TSPYL2: variants seen among roughly 807,000 people sequenced by gnomAD.
TSPYL2 encodes the protein testis-specific Y-encoded-like protein 2.
TSPYL2 carries 9 observed loss-of-function variants against 33.0 expected under a neutral mutation model. The ratio of observed to expected loss-of-function variants is 0.27; its 90% CI spans 0.16 to 0.48. The LOEUF (loss-of-function observed/expected upper bound fraction) is 0.48. Ranked by LOEUF, TSPYL2 falls within the 20% of genes least tolerant of loss-of-function variation. The pLI is 0.99. For missense variants in TSPYL2, 636 were observed against 586.2 expected (o/e 1.08, Z -0.88); for synonymous variants, 330 against 233.6 (o/e 1.41, Z -3.77).
intron 1 of TSPYL2, 77 bp downstream of exon 1, chrX:53,083,382 TAAAGC>T (rs1932675887): frequency 1.0e-6 from 1 of 987,297 alleles, no homozygotes; most frequent in Admixed American, 2.6e-5. Flanking sequence ...ACAGAAAAGG[TAAAGC>T]GGGTGGAGGA....
In TSPYL2 at chrX:53,082,778, T is replaced by C. The variant is rs782596856; in HGVS notation, c.280T>C (p.Cys94Arg). ...IRAYFTLGAE[C>R]PGWDSTIESG... ...CGCATACTTCACGCTCGGTGCTGAG[T>C]GTCCCGGCTGGGATTCTACCATCGA... Residue 94 changes from cysteine (C) to arginine (R), a missense_variant, in exon 1 of 7, where the codon TGT becomes CGT. Cys to Arg is a radical substitution (Grantham distance 180). Coordinates refer to ENST00000375442, the MANE Select transcript of TSPYL2 (RefSeq NM_022117.4). 5 of 1,194,947 alleles carry C rather than the reference T, an allele frequency of 4.2e-6. No homozygotes were observed. The Admixed American group carries it at 9.4e-5, about 22-fold the overall frequency.
At chrX:53,086,526 G>C (rs868983489) in intron 6 of TSPYL2, 1 of 439,575 alleles carries the variant, frequency 2.3e-6, no homozygotes, top group Non-Finnish European at 4.0e-6. Context: ...GTGATGGATA[G>C]ATGGTTGTAA....
chrX:53,085,913 CAAT>C lies in TSPYL2; in HGVS notation c.1522_1524del (p.Asn508del), dbSNP rs781970155. Reference sequence around the variant, plus strand: ...CTGATGACCACGAAACCACTGACAACAATGAGAGTGCAGATGACAACAACGAGA... The same window carrying C: ...CTGATGACCACGAAACCACTGACAACGAGAGTGCAGATGACAACAACGAGA... On this transcript the variant is annotated inframe_deletion, in exon 6 of 7. Coordinates refer to ENST00000375442, the MANE Select transcript of TSPYL2 (RefSeq NM_022117.4). The C allele has an allele frequency of 8.4e-5, 102 of 1,209,113 alleles. No individual in the cohort carries two copies. The highest frequency in any genetic ancestry group is 2.3e-4 in the Middle Eastern group (1 of 4,376).
chrX:53,087,850 G>C lies in TSPYL2; in HGVS notation c.1993G>C (p.Gly665Arg), dbSNP rs1556809181. Residue 665 changes from glycine (G) to arginine (R), a missense_variant, in exon 7 of 7, where the codon GGG becomes CGG. Physicochemically the swap from Gly to Arg is moderately radical, Grantham distance 125. Transcript: ENST00000375442. ...EEGSEDVWEEGEDSDDSDLED... is the reference protein window; with the variant it reads ...EEGSEDVWEEREDSDDSDLED... The stretch of plus-strand genomic sequence containing the variant: ...AGGAAGTGAAGATGTCTGGGAAGAA[G>C]GGGAAGATTCGGACGACTCTGACCT... The C allele has an allele frequency of 8.3e-7, 1 of 1,212,037 alleles. No individual in the cohort carries two copies. Among genetic ancestry groups the C allele is most frequent in the Admixed American group, 2.2e-5 (1 of 46,148 alleles).
intron 4 of TSPYL2, 60 bp from the exon 5 acceptor site, chrX:53,085,167 A>G (rs1256177223): frequency 3.4e-6 from 4 of 1,184,398 alleles, no homozygotes; most frequent in East Asian, 3.0e-5. Flanking sequence ...TGGGGAATTA[A>G]GAGGAGGATC....
chrX:53,086,134 A>G lies in TSPYL2; in HGVS notation c.1742A>G (p.Asn581Ser). ...DEDNDGNEGD[N>S]EGSDDDGNEG... ...GATAATGATGGCAACGAAGGTGACAATGAGGGCAGTGATGATGATGGCAAT... is the reference window on the plus strand; with the variant it reads ...GATAATGATGGCAACGAAGGTGACAGTGAGGGCAGTGATGATGATGGCAAT... Residue 581 changes from asparagine (N) to serine (S), a missense_variant, in exon 6 of 7, where the codon AAT becomes AGT. Physicochemically the swap from Asn to Ser is conservative, Grantham distance 46. This residue lies in a region of TSPYL2 where 401 missense variants were observed against 363.0 expected (regional missense o/e 1.10). Coordinates refer to ENST00000375442, the MANE Select transcript of TSPYL2 (RefSeq NM_022117.4). 2 of 1,194,906 alleles carry G rather than the reference A, an allele frequency of 1.7e-6. No homozygotes were observed. Among genetic ancestry groups the G allele is most frequent in the South Asian group, 1.8e-5 (1 of 54,756 alleles).
At position 53,085,216 on chromosome X, in the gene TSPYL2, T is replaced by C. The variant is rs1556808133; in HGVS notation, c.1144-11T>C. 8.4e-7 allele frequency: 1 copy of C among 1,193,244 alleles called. No homozygotes were observed. The highest frequency in any genetic ancestry group is 1.1e-6 in the Non-Finnish European group (1 of 884,728). On this transcript the variant is annotated splice_polypyrimidine_tract_variant and intron_variant, in intron 4 of 6. Coordinates refer to ENST00000375442, the MANE Select transcript of TSPYL2 (RefSeq NM_022117.4). ...AATGGCTGTCTTATTCCTTCTCCCC[T>C]TTTTCAACAGATTATCAAGAATGAT... is the stretch of plus-strand genomic sequence containing the variant.
chrX:53,082,592 C>T lies in TSPYL2; in HGVS notation c.94C>T (p.Pro32Ser). The change falls in exon 1 of 7, where the codon CCG (proline) becomes TCG (serine). Residue 32 changes from proline to serine, a missense_variant. Around this residue, in one of 3 missense-constraint regions of TSPYL2, gnomAD observed 231 missense variants for 201.6 expected, o/e 1.15. Transcript: ENST00000375442. ...CGACCCGCCCCCGCCGCCGCCGCCG[C>T]CGCCGCTCCTCCGACTGCCGCTGCC... ...QRDPPPPPPP[P>S]PLLRLPLPPP... is the part of the protein sequence containing the mutation. The T allele has an allele frequency of 8.7e-7, 1 of 1,154,335 alleles. No homozygotes were observed.
chrX:53,083,518 G>C (rs908439711), intron 1 of TSPYL2, among the ~76,000 whole-genome samples: 2 of 107,560 alleles, frequency 1.9e-5, no homozygotes, highest in South Asian at 4.3e-4. Context: ...GGTGGTGGAG[G>C]GGGGGCGGAC....
Position 53,087,851 on chromosome X carries a change from G to A in TSPYL2, c.1994G>A (p.Gly665Glu), listed in dbSNP as rs1556809182. ...GGAAGTGAAGATGTCTGGGAAGAAG[G>A]GGAAGATTCGGACGACTCTGACCTA... is the stretch of plus-strand genomic sequence containing the variant. ...EEGSEDVWEE[G>E]EDSDDSDLED... Residue 665 changes from glycine (G) to glutamate (E), a missense_variant, in exon 7 of 7, where the codon GGG (glycine) becomes GAG (glutamate). Physicochemically the swap from Gly to Glu is moderately conservative, Grantham distance 98 (BLOSUM62 -2). Transcript: ENST00000375442. 3 of 1,211,793 alleles carry A rather than the reference G, an allele frequency of 2.5e-6. No homozygotes were observed. The South Asian group carries it at 5.3e-5, about 21-fold the overall frequency.
chrX:53,086,324 C>T lies in TSPYL2; in HGVS notation c.1918+14C>T, dbSNP rs1569229273. On this transcript the variant is annotated intron_variant, in intron 6 of 6. Coordinates refer to ENST00000375442, the MANE Select transcript of TSPYL2 (RefSeq NM_022117.4). ...GCATTGAGGAAGGTGAGCTAATCCC[C>T]CCCCACCCTTGTCTTCCCTCTTTTC... 2 of 1,148,367 alleles carry T rather than the reference C, an allele frequency of 1.7e-6. No individual in the cohort carries two copies. Among genetic ancestry groups the T allele is most frequent in the Non-Finnish European group, 2.3e-6 (2 of 852,802 alleles). 94.6% of individuals were successfully genotyped at this position (1,148,367 alleles called of 1,213,427 possible). A position where few individuals can be genotyped will look rare whatever the true frequency, so the allele number is the denominator to read the frequency against.
At chrX:53,085,422 C>A (rs1211561694) in intron 5 of TSPYL2, 101 bp downstream of exon 5, 8 of 793,083 alleles carry the variant, frequency 1.0e-5, no homozygotes, top group South Asian at 5.2e-5. Context: ...TTGAGATAAT[C>A]CCAGTGGAAT....
At chrX:53,085,375 A>G (rs1556808211) in intron 5 of TSPYL2, 54 bp downstream of exon 5, 1 of 1,004,451 alleles carries the variant, frequency 1.0e-6, no homozygotes, top group Non-Finnish European at 1.4e-6. Context: ...GGAAAAGACT[A>G]GTGTAACACA....
Position 53,086,322 on chromosome X carries a change from C to A in TSPYL2, c.1918+12C>A. ...GGGCATTGAGGAAGGTGAGCTAATC[C>A]CCCCCCACCCTTGTCTTCCCTCTTT... is the stretch of plus-strand genomic sequence containing the variant. On this transcript the variant is annotated intron_variant, in intron 6 of 6. Coordinates refer to ENST00000375442, the MANE Select transcript of TSPYL2 (RefSeq NM_022117.4). The A allele has an allele frequency of 8.7e-7, 1 of 1,144,082 alleles. No individual in the cohort carries two copies. The allele number at this position is 1,144,082 out of a possible 1,213,427, so 94.3% of individuals were successfully genotyped here.
At position 53,085,119 on chromosome X, in the gene TSPYL2, C is replaced by G; in HGVS notation, c.1143+20C>G. On this transcript the variant is annotated intron_variant, in intron 4 of 6. Coordinates refer to ENST00000375442, the MANE Select transcript of TSPYL2 (RefSeq NM_022117.4). ...GCTGAGGTGGGGCCCTTCCTGGCATCACCAGAGAAGGCCTTGCTAGGCTTG... is the reference window on the plus strand; with the variant it reads ...GCTGAGGTGGGGCCCTTCCTGGCATGACCAGAGAAGGCCTTGCTAGGCTTG... 1 of 1,200,393 alleles carries G rather than the reference C, an allele frequency of 8.3e-7. No homozygotes were observed. The highest frequency in any genetic ancestry group is 1.1e-6 in the Non-Finnish European group (1 of 888,457).
In TSPYL2 at chrX:53,087,855, A is replaced by C; in HGVS notation, c.1998A>C (p.Glu666Asp). The C allele has an allele frequency of 1.7e-6, 2 of 1,211,717 alleles. No homozygotes were observed. The highest frequency in any genetic ancestry group is 3.5e-5 in the South Asian group (2 of 57,031). The change falls in exon 7 of 7, where the codon GAA (glutamate) becomes GAC (aspartate). Residue 666 changes from glutamate to aspartate, a missense_variant. Coordinates refer to ENST00000375442, the MANE Select transcript of TSPYL2 (RefSeq NM_022117.4). ...EGSEDVWEEG[E>D]DSDDSDLEDV... ...GTGAAGATGTCTGGGAAGAAGGGGA[A>C]GATTCGGACGACTCTGACCTAGAGG... is the stretch of plus-strand genomic sequence containing the variant.
Position 53,087,577 on chromosome X carries a change from C to T in TSPYL2, c.1919-199C>T, listed in dbSNP as rs1338176192. 9.4e-6 allele frequency: 4 copies of T among 426,368 alleles called. No individual in the cohort carries two copies. The East Asian group carries it at 1.5e-4, about 16-fold the overall frequency. The allele number at this position is 426,368 out of a possible 1,213,427, so 35.1% of individuals were successfully genotyped here. A position where few individuals can be genotyped will look rare whatever the true frequency, so the allele number is the denominator to read the frequency against. ...CCCACACTGCCTTCCTGCCTCCCTC[C>T]ATCTCCCTCTCATTCTGTGGGCTTG... On this transcript the variant is annotated intron_variant, in intron 6 of 6. Transcript: ENST00000375442.
chrX:53,084,007 G>C (rs1932694388), intron 1 of TSPYL2, among the ~76,000 whole-genome samples: 2 of 111,974 alleles, frequency 1.8e-5, no homozygotes, highest in Admixed American at 9.4e-5. Flanking sequence ...CAGACCCTTA[G>C]CCCTCATATG....
intron 6 of TSPYL2, chrX:53,087,570 C>T (rs1556809088): frequency 2.4e-6 from 1 of 419,730 alleles, no homozygotes; most frequent in African/African-American, 2.5e-5. Flanking sequence ...GCCTTCCTGC[C>T]TCCCTCCATC....
Sources: gnomAD v4.1 joint callset for allele counts (sites outside exome capture counted in the v4.1 genomes callset) on GRCh38, gnomAD v4.1.1 for gene constraint, gnomAD v4.1.1 regional missense constraint, MANE v1.5 for transcripts, NCBI Gene and HGNC (gene_info 2026-07-23, HGNC 2026-07-21) for gene names.